Variants in EYS observed in about 807,000 individuals in gnomAD.
EYS encodes EGF-like photoreceptor maintenance factor, also known as protein eyes shut homolog.
A neutral mutation model predicts 282.1 loss-of-function variants in EYS; 250 were observed. The observed-to-expected ratio is 0.89, with a 90% CI of 0.80 to 0.98. The LOEUF (loss-of-function observed/expected upper bound fraction) is 0.98. EYS is among the 50% of genes least tolerant of loss of function. EYS has a pLI of 0.00. For synonymous variants in EYS, 1,355 were observed against 1,282.9 expected (o/e 1.06, Z -1.20); for missense variants, 4,016 against 3,709.0 (o/e 1.08, Z -2.15).
At chr6:65,208,546 C>A (rs1040255978) in intron 12 of EYS, among the ~76,000 whole-genome samples, 18 of 151,906 alleles carry the variant, frequency 1.2e-4, no homozygotes, top group African/African-American at 4.3e-4. Context: ...GTCACGGAAT[C>A]AAGCTATGTG....
At chr6:65,161,441 C>T (rs190584290) in intron 12 of EYS, among the ~76,000 whole-genome samples, 141 of 151,080 alleles carry the variant, frequency 9.3e-4, no homozygotes, top group African/African-American at 3.2e-3. Context: ...CAAAATTATG[C>T]ATTTTTGCCT....
intron 22 of EYS, among the ~76,000 whole-genome samples, chr6:64,678,788 C>T (rs912501270): frequency 1.3e-5 from 2 of 151,898 alleles, no homozygotes; most frequent in Non-Finnish European, 2.9e-5. Flanking sequence ...TGTTCAAGAC[C>T]AGCCTGGCCA....
chr6:65,046,621 G>C (rs926920703), intron 13 of EYS, among the ~76,000 whole-genome samples: 1 of 151,886 alleles, frequency 6.6e-6, no homozygotes, highest in East Asian at 1.9e-4. Flanking sequence ...GTTGAGGGTA[G>C]ATATTAACTC....
intron 26 of EYS, among the ~76,000 whole-genome samples, chr6:64,518,780 G>C (rs74981102): frequency 0.3 from 43,393 of 144,102 alleles, 6,651 homozygotes; most frequent in East Asian, 0.46. Context: ...TTTATAAGGG[G>C]CCCCCCCCTT....
At chr6:64,721,811 C>T (rs75372790) in intron 22 of EYS, among the ~76,000 whole-genome samples, 7,301 of 152,144 alleles carry the variant, frequency 0.048, 251 homozygotes, top group East Asian at 0.18. Context: ...TTTTAGTTTG[C>T]TTATTGTTAG....
intron 5 of EYS, among the ~76,000 whole-genome samples, chr6:65,434,705 C>A (rs2150387107): frequency 6.6e-6 from 1 of 151,806 alleles, no homozygotes; most frequent in East Asian, 1.9e-4. Flanking sequence ...CGCCTAAAAT[C>A]TCTCATCATA....
At chr6:65,426,710 A>T (rs997139892) in intron 5 of EYS, among the ~76,000 whole-genome samples, 8 of 152,258 alleles carry the variant, frequency 5.3e-5, no homozygotes, top group African/African-American at 1.9e-4. Context: ...CTTTTACTAT[A>T]TACCCTTCTA....
intron 7 of EYS, among the ~76,000 whole-genome samples, chr6:65,386,966 C>T (rs966420546): frequency 2.7e-5 from 4 of 149,804 alleles, no homozygotes; most frequent in African/African-American, 9.8e-5. Context: ...AGGAAAGCAG[C>T]GAGGATCTGT....
chr6:64,251,435 T>G (rs1166195444), intron 30 of EYS, among the ~76,000 whole-genome samples: 1 of 152,142 alleles, frequency 6.6e-6, no homozygotes, highest in Non-Finnish European at 1.5e-5. Context: ...CTTGTTTTAC[T>G]GAGTGTATTA....
intron 35 of EYS, among the ~76,000 whole-genome samples, chr6:63,894,570 T>C (rs1773486834): frequency 7.5e-6 from 1 of 132,474 alleles, no homozygotes; most frequent in South Asian, 2.2e-4. Context: ...ATCTGTTGTT[T>C]TTTTTTGTTT....
At chr6:64,859,072 A>G (rs967898693) in intron 19 of EYS, among the ~76,000 whole-genome samples, 2 of 151,960 alleles carry the variant, frequency 1.3e-5, no homozygotes, top group African/African-American at 2.4e-5. Context: ...AATCTCATAT[A>G]TAGAAAATGC....
intron 29 of EYS, among the ~76,000 whole-genome samples, chr6:64,323,311 T>C (rs982887848): frequency 1.3e-5 from 2 of 152,176 alleles, no homozygotes; most frequent in Non-Finnish European, 2.9e-5. Flanking sequence ...TAATTTAGTA[T>C]AATTTTCTTA....
intron 12 of EYS, among the ~76,000 whole-genome samples, chr6:65,121,689 G>T (rs1775555754): frequency 6.6e-6 from 1 of 152,122 alleles, no homozygotes; most frequent in African/African-American, 2.4e-5. Context: ...TTACTTGCAT[G>T]TTTCTTAGAA....
At chr6:64,970,820 G>T (rs1032408477) in intron 14 of EYS, among the ~76,000 whole-genome samples, 1 of 152,108 alleles carries the variant, frequency 6.6e-6, no homozygotes, top group South Asian at 2.1e-4. Context: ...ATAGAATGAG[G>T]TCTGCAGTTG....
chr6:64,131,698 T>C (rs1773985329), intron 31 of EYS, among the ~76,000 whole-genome samples: 1 of 152,138 alleles, frequency 6.6e-6, no homozygotes, highest in Non-Finnish European at 1.5e-5. Flanking sequence ...AGTAAAGAAG[T>C]AGTCGCTTAC....
intron 22 of EYS, among the ~76,000 whole-genome samples, chr6:64,663,344 C>A (rs1275981325): frequency 6.8e-6 from 1 of 147,372 alleles, no homozygotes; most frequent in Non-Finnish European, 1.5e-5. Context: ...GATACCACTT[C>A]ATTTGGTAAC....
intron 31 of EYS, among the ~76,000 whole-genome samples, chr6:64,083,178 G>T (rs767596276): frequency 2.0e-5 from 3 of 152,070 alleles, no homozygotes; most frequent in Non-Finnish European, 2.9e-5. Flanking sequence ...CAAAGTGCTG[G>T]AATTACAGAT....
At chr6:64,243,601 G>C (rs886134806) in intron 30 of EYS, among the ~76,000 whole-genome samples, 1 of 152,190 alleles carries the variant, frequency 6.6e-6, no homozygotes, top group Non-Finnish European at 1.5e-5. Flanking sequence ...TGGACACATG[G>C]CCAAACTCAC....
chr6:65,404,435 A>G lies in EYS; in HGVS notation c.1056+739T>C, dbSNP rs188299280. ...TTATTTTATTTTTTGGTGGAGGATG[A>G]GGGGCATACATAGTCTGCTTACTAC... is the stretch of plus-strand genomic sequence containing the variant. On this transcript the variant is annotated intron_variant, in intron 6 of 42. Transcript: ENST00000503581. Among the ~76,000 whole-genome samples, 621 of 152,024 alleles carry G rather than the reference A, an allele frequency of 4.1e-3. 5 individuals are homozygous for G. The highest frequency in any genetic ancestry group is 0.014 in the African/African-American group (588 of 41,518).
Sources: allele counts gnomAD v4.1 joint callset (sites outside exome capture counted in the v4.1 genomes callset), GRCh38; gene constraint gnomAD v4.1.1; transcripts MANE v1.5; gene names NCBI Gene and HGNC (gene_info 2026-07-23, HGNC 2026-07-21).